Variants in NRCAM observed in about 807,000 individuals in gnomAD.
The protein encoded by NRCAM is NgCAM-related cell adhesion molecule.
In NRCAM, 83 loss-of-function variants were observed where a neutral mutation model predicts 156.5. The ratio of observed to expected loss-of-function variants is 0.53; its 90% CI spans 0.44 to 0.64. The LOEUF (loss-of-function observed/expected upper bound fraction) is 0.64, where lower values mean the gene tolerates loss of function less well. Among genes scored for constraint, NRCAM ranks in the 30% least tolerant of loss-of-function variants. The pLI is 0.00. For synonymous variants in NRCAM, 538 were observed against 563.9 expected (o/e 0.95, Z 0.65); for missense variants, 1,417 against 1,597.3 (o/e 0.89, Z 1.92).
At chr7:108,429,292 A>C (rs561438836) in intron 1 of NRCAM, among the ~76,000 whole-genome samples, 1 of 152,084 alleles carries the variant, frequency 6.6e-6, no homozygotes, top group Admixed American at 6.5e-5. Flanking sequence ...CCTGAGTTCA[A>C]GTGATTCTCC....
intron 2 of NRCAM, among the ~76,000 whole-genome samples, chr7:108,398,437 C>T (rs938244920): frequency 7.2e-5 from 11 of 152,266 alleles, no homozygotes; most frequent in African/African-American, 2.6e-4. Context: ...TTCAATATTG[C>T]TCTAGTTCAT....
At chr7:108,400,756 C>T (rs934205491) in intron 1 of NRCAM, among the ~76,000 whole-genome samples, 6 of 152,062 alleles carry the variant, frequency 3.9e-5, no homozygotes, top group African/African-American at 1.4e-4. Flanking sequence ...CAGTGACTTA[C>T]ACAAGGTCCA....
At chr7:108,410,517 G>T (rs1794095378) in intron 1 of NRCAM, among the ~76,000 whole-genome samples, 1 of 152,188 alleles carries the variant, frequency 6.6e-6, no homozygotes, top group African/African-American at 2.4e-5. Flanking sequence ...CAGTTCTGAT[G>T]CTTGGGCCCC....
intron 3 of NRCAM, among the ~76,000 whole-genome samples, chr7:108,248,713 C>T (rs2096129823): frequency 6.6e-6 from 1 of 152,162 alleles, no homozygotes; most frequent in African/African-American, 2.4e-5. Context: ...CTTCCTCCAA[C>T]CAGAAGTGAT....
intron 2 of NRCAM, among the ~76,000 whole-genome samples, chr7:108,352,986 A>G (rs2099429571): frequency 6.6e-6 from 1 of 151,760 alleles, no homozygotes; most frequent in African/African-American, 2.4e-5. Flanking sequence ...GCCACTTTAC[A>G]CCAAGCCACT....
chr7:108,283,020 T>C (rs2097915591), intron 3 of NRCAM, among the ~76,000 whole-genome samples: 3 of 152,194 alleles, frequency 2.0e-5, no homozygotes, highest in Admixed American at 1.3e-4. Flanking sequence ...AAAACCAGTG[T>C]TTAAAAATGC....
chr7:108,434,541 T>TACACACACACACACAC lies in NRCAM; in HGVS notation c.-332+21686_-332+21701dup, dbSNP rs141756969. Among the ~76,000 whole-genome samples, 8 of 141,238 alleles carry TACACACACACACACAC rather than the reference T, an allele frequency of 5.7e-5. 1 individual carries two copies. Among genetic ancestry groups the TACACACACACACACAC allele is most frequent in the South Asian group, 2.4e-4 (1 of 4,232 alleles). The allele number at this position is 141,238 out of a possible 152,430, so 92.7% of individuals were successfully genotyped here. ...CTACATACCCATGGCCAATGGAATG[T>TACACACACACACACAC]ACACACACACACACACACACACACA... On this transcript the variant is annotated intron_variant, in intron 1 of 32. Coordinates refer to ENST00000379028, the MANE Select transcript of NRCAM (RefSeq NM_001037132.4).
At chr7:108,289,891 C>T (rs965400586) in intron 3 of NRCAM, among the ~76,000 whole-genome samples, 5 of 152,078 alleles carry the variant, frequency 3.3e-5, no homozygotes, top group African/African-American at 1.2e-4. Flanking sequence ...GCAGTGAATC[C>T]TTCAGGTGAT....
intron 1 of NRCAM, among the ~76,000 whole-genome samples, chr7:108,401,131 T>G (rs974369969): frequency 2.0e-5 from 3 of 152,010 alleles, no homozygotes; most frequent in Non-Finnish European, 4.4e-5. Context: ...TCCCAGCTAC[T>G]CGGGAGGCTG....
intron 2 of NRCAM, among the ~76,000 whole-genome samples, chr7:108,377,321 A>G (rs1424738167): frequency 3.3e-5 from 5 of 152,214 alleles, no homozygotes; most frequent in Admixed American, 3.3e-4. Flanking sequence ...GCACTTTCAC[A>G]CTTGGGAACC....
At chr7:108,444,410 C>A (rs1179419857) in intron 1 of NRCAM, among the ~76,000 whole-genome samples, 1 of 151,800 alleles carries the variant, frequency 6.6e-6, no homozygotes, top group East Asian at 1.9e-4. Flanking sequence ...AACAGATGAA[C>A]TATTATTGTA....
chr7:108,195,871 A>G lies in NRCAM; in HGVS notation c.1353T>C (p.Ala451=). 1 of 1,581,718 alleles carries G rather than the reference A, an allele frequency of 6.3e-7. No homozygotes were observed. Among genetic ancestry groups the G allele is most frequent in the Non-Finnish European group, 8.7e-7 (1 of 1,151,232 alleles). Residue 451 remains alanine (A), a splice_region_variant and synonymous_variant, in exon 15 of 33, where the codon GCT becomes GCC. Coordinates refer to ENST00000379028, the MANE Select transcript of NRCAM (RefSeq NM_001037132.4). The stretch of plus-strand genomic sequence containing the variant: ...CAGGTGTGAGGATTCGTGGTGGCTC[A>G]GCTACAAATATTTTTAAAAGGTAAA... ...LLANAFVNVL[A]EPPRILTPAN... is the part of the protein sequence containing the mutation.
chr7:108,287,085 A>G (rs2154108724), intron 3 of NRCAM, among the ~76,000 whole-genome samples: 1 of 152,220 alleles, frequency 6.6e-6, no homozygotes, highest in East Asian at 1.9e-4. Flanking sequence ...ATTTCTTACC[A>G]TACACAAAAA....
chr7:108,365,076 T>C (rs575895269), intron 2 of NRCAM, among the ~76,000 whole-genome samples: 1 of 152,198 alleles, frequency 6.6e-6, no homozygotes, highest in Non-Finnish European at 1.5e-5. Context: ...TACAAGCTCA[T>C]GGTGCTGGGG....
intron 32 of NRCAM, among the ~76,000 whole-genome samples, chr7:108,152,900 G>C (rs1292016724): frequency 6.6e-6 from 1 of 152,094 alleles, no homozygotes; most frequent in South Asian, 2.1e-4. Flanking sequence ...TGAAGGTAGA[G>C]CCAACAGGAT....
chr7:108,185,675 A>G (rs2066250614), intron 20 of NRCAM, among the ~76,000 whole-genome samples: 1 of 150,340 alleles, frequency 6.7e-6, no homozygotes, highest in African/African-American at 2.4e-5. Context: ...ACCATGATCA[A>G]GCCACTGCAC....
At chr7:108,155,086 T>TCA (rs1290427103) in intron 32 of NRCAM, among the ~76,000 whole-genome samples, 2 of 52,972 alleles carry the variant, frequency 3.8e-5, no homozygotes, top group East Asian at 1.5e-3. Flanking sequence ...GATTTAAAAG[T>TCA]CATATATATA....
At chr7:108,427,055 A>T (rs1365195451) in intron 1 of NRCAM, among the ~76,000 whole-genome samples, 1 of 152,204 alleles carries the variant, frequency 6.6e-6, no homozygotes, top group Non-Finnish European at 1.5e-5. Context: ...TACTCAAGCC[A>T]GAGTTACTTA....
At chr7:108,437,120 A>G (rs1374036309) in intron 1 of NRCAM, among the ~76,000 whole-genome samples, 1 of 152,224 alleles carries the variant, frequency 6.6e-6, no homozygotes, top group East Asian at 1.9e-4. Context: ...TTGCAACAAC[A>G]TGGGTGGAAC....
Sources: gnomAD v4.1 joint callset for allele counts (sites outside exome capture counted in the v4.1 genomes callset) on GRCh38, gnomAD v4.1.1 for gene constraint, MANE v1.5 for transcripts, NCBI Gene and HGNC (gene_info 2026-07-23, HGNC 2026-07-21) for gene names.